The following CPPED1 variants were observed in gnomAD, a reference collection of about 807,000 sequenced individuals.
CPPED1 encodes calcineurin like phosphoesterase domain containing 1.
In CPPED1, 28 loss-of-function variants were observed where a neutral mutation model predicts 28.0. The observed-to-expected ratio is 1.00, with a 90% CI of 0.74 to 1.37. CPPED1 has a LOEUF of 1.37. CPPED1 is among the 40% of genes most tolerant of loss of function. CPPED1 has a pLI of 0.00. For synonymous variants in CPPED1, 198 were observed against 180.2 expected, an observed-to-expected ratio of 1.10 and a Z score of -0.79; for missense variants, 504 against 416.5, an observed-to-expected ratio of 1.21 and a Z score of -1.83.
intron 2 of CPPED1, among the ~76,000 whole-genome samples, chr16:12,764,395 G>T (rs2080427542): frequency 6.6e-6 from 1 of 152,050 alleles, no homozygotes; most frequent in African/African-American, 2.4e-5. Flanking sequence ...GTAGAGAGGG[G>T]TTTCACCATG....
intron 2 of CPPED1, chr16:12,753,886 G>C (rs1200129661): frequency 6.6e-6 from 1 of 152,186 alleles, no homozygotes; most frequent in Non-Finnish European, 1.5e-5. Flanking sequence ...AATGAAGCTG[G>C]CCCTCCTGTG....
chr16:12,779,391 T>C (rs2080516437), intron 2 of CPPED1, among the ~76,000 whole-genome samples: 1 of 151,228 alleles, frequency 6.6e-6, no homozygotes, highest in South Asian at 2.1e-4. Context: ...GCTAATTTTT[T>C]TTTTTTCTTT....
intron 3 of CPPED1, among the ~76,000 whole-genome samples, chr16:12,668,121 C>A: frequency 6.6e-6 from 1 of 152,042 alleles, no homozygotes; most frequent in East Asian, 1.9e-4. Flanking sequence ...GCTAAACTAT[C>A]ATTTAAGTTT....
At chr16:12,712,102 A>G (rs749218062) in intron 2 of CPPED1, among the ~76,000 whole-genome samples, 42 of 152,134 alleles carry the variant, frequency 2.8e-4, no homozygotes, top group Non-Finnish European at 5.4e-4. Flanking sequence ...TTACCTGACA[A>G]CTCGTTTACT....
intron 3 of CPPED1, among the ~76,000 whole-genome samples, chr16:12,669,875 C>T (rs1012585064): frequency 6.6e-6 from 1 of 152,146 alleles, no homozygotes; most frequent in Non-Finnish European, 1.5e-5. Context: ...TGCTCAGAAA[C>T]AAAAACCCTG....
At chr16:12,676,754 GTAA>G (rs960721732) in intron 3 of CPPED1, among the ~76,000 whole-genome samples, 39 of 152,044 alleles carry the variant, frequency 2.6e-4, no homozygotes, top group African/African-American at 8.5e-4. Context: ...TATTATGGTG[GTAA>G]TAATAATAAT....
At chr16:12,785,737 A>G (rs2080559006) in intron 1 of CPPED1, among the ~76,000 whole-genome samples, 1 of 151,992 alleles carries the variant, frequency 6.6e-6, no homozygotes. Context: ...CTCAGATGAA[A>G]GTGACCTCTT....
rs1340987233 is a variant in CPPED1, at chr16:12,662,853, G to A, written c.*2033C>T. 1 of 152,058 alleles carries A rather than the reference G, an allele frequency of 6.6e-6. No homozygotes were observed. The highest frequency in any genetic ancestry group is 1.5e-5 in the Non-Finnish European group (1 of 68,026). 9.4% of individuals were successfully genotyped at this position (152,058 alleles called of 1,614,324 possible). The stretch of plus-strand genomic sequence containing the variant: ...CAGTTCTTTTAAGTTTTTGGGGAAG[G>A]AGATTTGGTTTCATTTTCATTACTT... On this transcript the variant is annotated 3_prime_UTR_variant, in exon 4 of 4. Transcript: ENST00000381774.
At chr16:12,758,003 C>A (rs2141224426) in intron 2 of CPPED1, among the ~76,000 whole-genome samples, 1 of 152,044 alleles carries the variant, frequency 6.6e-6, no homozygotes, top group South Asian at 2.1e-4. Context: ...CCCTGCTTCT[C>A]CAGGCAAGCT....
chr16:12,794,397 G>A (rs2080614405), intron 1 of CPPED1, among the ~76,000 whole-genome samples: 1 of 151,946 alleles, frequency 6.6e-6, no homozygotes. Flanking sequence ...TGAACTGTAG[G>A]GTATGCTAAC....
chr16:12,690,183 G>A (rs757794830), intron 3 of CPPED1, among the ~76,000 whole-genome samples: 1 of 152,100 alleles, frequency 6.6e-6, no homozygotes, highest in South Asian at 2.1e-4. Context: ...GAGTCTGCGG[G>A]GGTGGGTACA....
intron 3 of CPPED1, among the ~76,000 whole-genome samples, chr16:12,673,749 C>A (rs1056205220): frequency 6.6e-6 from 1 of 152,126 alleles, no homozygotes; most frequent in Admixed American, 6.6e-5. Context: ...TGCAAGAGGA[C>A]TAGCAATAAA....
chr16:12,702,797 G>A (rs1006795960), intron 3 of CPPED1, among the ~76,000 whole-genome samples: 58 of 151,930 alleles, frequency 3.8e-4, no homozygotes, highest in African/African-American at 1.2e-3. Flanking sequence ...CAGAAGTTTC[G>A]AGACCAGCCT....
rs1011412149 is a variant in CPPED1 at position 12,682,191 on chromosome 16, T to C, written c.716-17076A>G. Among the ~76,000 whole-genome samples, 12 of 152,082 alleles carry C rather than the reference T, an allele frequency of 7.9e-5. No individual in the cohort carries two copies. Among genetic ancestry groups the C allele is most frequent in the Non-Finnish European group, 1.3e-4 (9 of 68,010 alleles). ...CTGAGATTACAGGTTCCCGCTACCA[T>C]GCCCAGCTAATTTTTGTGTCTTTAG... is the stretch of plus-strand genomic sequence containing the variant. On this transcript the variant is annotated intron_variant, in intron 3 of 3. Coordinates refer to ENST00000381774, the MANE Select transcript of CPPED1 (RefSeq NM_018340.3). The surrounding 1 kb of genome is among the most constrained non-coding windows in gnomAD (Gnocchi z 6.1).
intron 2 of CPPED1, among the ~76,000 whole-genome samples, chr16:12,714,668 G>C (rs2080098001): frequency 6.6e-6 from 1 of 152,108 alleles, no homozygotes; most frequent in Admixed American, 6.6e-5. Flanking sequence ...TTAGTTGTAA[G>C]AGTTCTTTAC....
chr16:12,746,247 C>A (rs1437671814), intron 2 of CPPED1, among the ~76,000 whole-genome samples: 3 of 152,048 alleles, frequency 2.0e-5, no homozygotes, highest in African/African-American at 7.2e-5. Context: ...TGGTGGCACA[C>A]ACCTGTAATC....
At chr16:12,785,092 G>C (rs531405213) in intron 1 of CPPED1, among the ~76,000 whole-genome samples, 8 of 152,126 alleles carry the variant, frequency 5.3e-5, no homozygotes, top group Non-Finnish European at 1.2e-4. Flanking sequence ...TACAGAAGCT[G>C]GTGGTCTTTG....
intron 2 of CPPED1, chr16:12,759,172 A>AGAC (rs2080392505): frequency 1.3e-5 from 2 of 151,098 alleles, no homozygotes. Context: ...CTAAAAAAAA[A>AGAC]AAAAAAAAAA....
At chr16:12,666,910 A>T (rs1713478) in intron 3 of CPPED1, among the ~76,000 whole-genome samples, 1 of 151,888 alleles carries the variant, frequency 6.6e-6, no homozygotes, top group South Asian at 2.1e-4. Flanking sequence ...AGGAGCTGTC[A>T]CCAGTACACC....
Sources: allele counts gnomAD v4.1 joint callset (sites outside exome capture counted in the v4.1 genomes callset), GRCh38; gene constraint gnomAD v4.1.1; non-coding constraint Gnocchi (gnomAD v3.1); transcripts MANE v1.5; gene names NCBI Gene and HGNC (gene_info 2026-07-23, HGNC 2026-07-21).